Variants in RBFOX1 observed in about 807,000 individuals in gnomAD.
The protein encoded by RBFOX1 is RNA binding protein fox-1 homolog 1.
Under a neutral mutation model 57.7 loss-of-function variants are expected in RBFOX1, and 8 were observed. The ratio of observed to expected loss-of-function variants is 0.14; its 90% CI spans 0.08 to 0.25. RBFOX1 has a LOEUF of 0.25. Among genes scored for constraint, RBFOX1 ranks in the 10% least tolerant of loss-of-function variants. RBFOX1 has a pLI of 1.00. For synonymous variants in RBFOX1, 326 were observed against 222.4 expected, an observed-to-expected ratio of 1.47 and a Z score of -4.15; for missense variants, 611 against 548.5, an observed-to-expected ratio of 1.11 and a Z score of -1.14.
chr16:5,552,604 G>A (rs767209856), intron 2 of RBFOX1, among the ~76,000 whole-genome samples: 4 of 152,152 alleles, frequency 2.6e-5, no homozygotes, highest in Admixed American at 6.5e-5. Context: ...GGAGGTCAGC[G>A]TATGCATCTT....
At chr16:7,702,886 G>T (rs979284332) in intron 14 of RBFOX1, among the ~76,000 whole-genome samples, 5 of 152,148 alleles carry the variant, frequency 3.3e-5, no homozygotes, top group Non-Finnish European at 5.9e-5. Flanking sequence ...CAAAAATGAG[G>T]GCAATGAAAT....
intron 14 of RBFOX1, among the ~76,000 whole-genome samples, chr16:7,700,886 C>G (rs1016828312): frequency 6.6e-6 from 1 of 152,110 alleles, no homozygotes; most frequent in African/African-American, 2.4e-5. Context: ...ATGATGTGAT[C>G]TGATTTGCCA....
chr16:6,292,176 C>G (rs1053800675), intron 1 of RBFOX1, among the ~76,000 whole-genome samples: 1 of 152,134 alleles, frequency 6.6e-6, no homozygotes, highest in African/African-American at 2.4e-5. Context: ...GGGAGGACCA[C>G]TTGAGCCCAA....
chr16:6,122,521 T>TC (rs1249088388), intron 1 of RBFOX1, among the ~76,000 whole-genome samples: 10 of 152,180 alleles, frequency 6.6e-5, no homozygotes, highest in African/African-American at 2.4e-4. Context: ...GAAGACATAA[T>TC]ACCCTGCCAT....
At chr16:5,654,065 G>A (rs2049339639) in intron 3 of RBFOX1, among the ~76,000 whole-genome samples, 1 of 152,210 alleles carries the variant, frequency 6.6e-6, no homozygotes. Flanking sequence ...ATCCCTGCCT[G>A]TAGTGAAAAG....
intron 4 of RBFOX1, among the ~76,000 whole-genome samples, chr16:7,517,501 A>G (rs1452856588): frequency 2.0e-5 from 3 of 151,776 alleles, no homozygotes; most frequent in African/African-American, 7.3e-5. Flanking sequence ...AATTTGTATC[A>G]GCTGCTTCAT....
At chr16:7,093,169 G>A (rs2061146680) in intron 4 of RBFOX1, among the ~76,000 whole-genome samples, 1 of 152,152 alleles carries the variant, frequency 6.6e-6, no homozygotes, top group African/African-American at 2.4e-5. Context: ...CTGTTGACCT[G>A]GCAAGTTCAT....
chr16:7,200,519 A>G (rs1481076226), intron 4 of RBFOX1, among the ~76,000 whole-genome samples: 1 of 152,202 alleles, frequency 6.6e-6, no homozygotes, highest in Non-Finnish European at 1.5e-5. Context: ...CCCCACAGAC[A>G]ACATCACTGC....
rs1383333537 is a variant in RBFOX1, at chr16:5,724,221, AAGG to A, written c.318+125261_318+125263del. ...GGAGCAGTGTCCTGAGCAAAGACCC[AAGG>A]GCTGGAAAGGCCCCAAAATAAAACC... is the stretch of plus-strand genomic sequence containing the variant. On this transcript the variant is annotated intron_variant, in intron 3 of 19. Transcript: ENST00000641259. Among the ~76,000 whole-genome samples, 624 of 152,300 alleles carry A rather than the reference AAGG, an allele frequency of 4.1e-3. 1 individual carries two copies. Among genetic ancestry groups the A allele is most frequent in the African/African-American group, 0.014 (591 of 41,566 alleles).
At position 6,511,150 on chromosome 16, in the gene RBFOX1, C is replaced by T. The variant is rs559968906; in HGVS notation, c.-63-143453C>T. Among the ~76,000 whole-genome samples, 12 of 152,170 alleles carry T rather than the reference C, an allele frequency of 7.9e-5. No individual in the cohort carries two copies. In the East Asian group the frequency reaches 1.6e-3, roughly 20 times the overall value. ...AAGCCCAGTGTGCCTCCTGGTGTTA[C>T]GCTGGGTTGGTGGAAAAGCCTCTGG... On this transcript the variant is annotated intron_variant, in intron 2 of 15. Coordinates refer to ENST00000550418, the MANE Select transcript of RBFOX1 (RefSeq NM_018723.4).
chr16:5,589,309 A>C (rs2046932305), intron 2 of RBFOX1, among the ~76,000 whole-genome samples: 1 of 152,096 alleles, frequency 6.6e-6, no homozygotes, highest in South Asian at 2.1e-4. Flanking sequence ...TGCTGGGGTC[A>C]TTTGCCTGAG....
At chr16:7,070,532 G>A (rs1197900972) in intron 4 of RBFOX1, among the ~76,000 whole-genome samples, 3 of 152,140 alleles carry the variant, frequency 2.0e-5, no homozygotes, top group African/African-American at 7.2e-5. Flanking sequence ...TACGCCAAAG[G>A]CATGTTTTTA....
chr16:5,525,491 A>ATTTTTTTTTTTTTTTTTTTTT (rs71404528), intron 2 of RBFOX1, among the ~76,000 whole-genome samples: 1 of 78,270 alleles, frequency 1.3e-5, no homozygotes, highest in Non-Finnish European at 2.3e-5. Context: ...AGCCGACACT[A>ATTTTTTTTTTTTTTTTTTTTT]TTTTTTTTTT....
At chr16:6,807,891 T>C (rs1292401620) in intron 3 of RBFOX1, among the ~76,000 whole-genome samples, 1 of 116,806 alleles carries the variant, frequency 8.6e-6, no homozygotes, top group Non-Finnish European at 1.9e-5. Flanking sequence ...GTTGAATATA[T>C]ATTATTGTGT....
At chr16:7,075,721 C>T (rs913339171) in intron 4 of RBFOX1, among the ~76,000 whole-genome samples, 2 of 152,160 alleles carry the variant, frequency 1.3e-5, no homozygotes, top group African/African-American at 4.8e-5. Flanking sequence ...GCTGGGACTA[C>T]AGGTGCCTGC....
At position 5,868,287 on chromosome 16, in the gene RBFOX1, A is replaced by C. The variant is rs572558629; in HGVS notation, c.351+952A>C. On this transcript the variant is annotated intron_variant, in intron 4 of 19. Transcript: ENST00000641259. The stretch of plus-strand genomic sequence containing the variant: ...GGCTCTGTGTGACGTCCAGTGTTGC[A>C]TTATTGGAACCCTAAGCATGTGGAG... Among the ~76,000 whole-genome samples, 140 of 152,312 alleles carry C rather than the reference A, an allele frequency of 9.2e-4. 1 individual carries two copies. Among genetic ancestry groups the C allele is most frequent in the Middle Eastern group, 6.8e-3 (2 of 294 alleles).
rs116275706 is a variant in RBFOX1 at position 7,415,270 on chromosome 16, C to G, written c.28-102877C>G. Among the ~76,000 whole-genome samples, 574 of 152,236 alleles carry G rather than the reference C, an allele frequency of 3.8e-3. 3 individuals carry two copies. Among genetic ancestry groups the G allele is most frequent in the African/African-American group, 0.013 (550 of 41,522 alleles). ...CTCAGATGATGCATCTGATATGCAT[C>G]CAATGACAGGTACCACTGGCTAGCA... On this transcript the variant is annotated intron_variant, in intron 4 of 15. Transcript: ENST00000550418.
chr16:5,302,472 C>T (rs1049746163), intron 1 of RBFOX1, among the ~76,000 whole-genome samples: 40 of 152,240 alleles, frequency 2.6e-4, no homozygotes, highest in Middle Eastern at 3.4e-3. Context: ...TTGTGTCATT[C>T]AAATTTAATA....
intron 5 of RBFOX1, among the ~76,000 whole-genome samples, chr16:7,522,805 T>C (rs1260663456): frequency 6.6e-6 from 1 of 152,114 alleles, no homozygotes; most frequent in Non-Finnish European, 1.5e-5. Flanking sequence ...AAATAGTAGG[T>C]AGTCTAGGAA....
Sources: allele counts gnomAD v4.1 joint callset (sites outside exome capture counted in the v4.1 genomes callset), GRCh38; gene constraint gnomAD v4.1.1; transcripts MANE v1.5; gene names NCBI Gene and HGNC (gene_info 2026-07-23, HGNC 2026-07-21).